Variants in BCAP29 observed in about 807,000 individuals in gnomAD.
BCAP29 encodes B-cell receptor-associated protein 29.
Under a neutral mutation model 31.8 loss-of-function variants are expected in BCAP29, and 34 were observed. The observed-to-expected ratio is 1.07, with a 90% CI of 0.81 to 1.42. The LOEUF (loss-of-function observed/expected upper bound fraction) is 1.42, where lower values mean the gene tolerates loss of function less well. BCAP29 is among the 40% of genes most tolerant of loss of function. BCAP29 has a pLI of 0.00. For missense variants in BCAP29, 314 were observed against 269.2 expected, an observed-to-expected ratio of 1.17 and a Z score of -1.16; for synonymous variants, 104 against 91.3, an observed-to-expected ratio of 1.14 and a Z score of -0.79.
In BCAP29 at chr7:107,600,423, A is replaced by G. The variant is rs936590925; in HGVS notation, c.507A>G (p.Glu169=). 2 of 1,609,406 alleles carry G rather than the reference A, an allele frequency of 1.2e-6. No homozygotes were observed. The highest frequency in any genetic ancestry group is 2.7e-5 in the African/African-American group (2 of 74,910). The change falls in exon 6 of 8, where the codon GAA becomes GAG. Residue 169 remains glutamate (E), a synonymous_variant. Transcript: ENST00000005259. The stretch of plus-strand genomic sequence containing the variant: ...TTTTGAAAAGCCATGGTAAAGATGA[A>G]GAATGTGTTTTGGAAGCAGAAAATA... ...KRILKSHGKD[E]ECVLEAENKK...
At chr7:107,588,607 A>AG (rs1373929623) in intron 3 of BCAP29, among the ~76,000 whole-genome samples, 1 of 152,208 alleles carries the variant, frequency 6.6e-6, no homozygotes, top group Non-Finnish European at 1.5e-5. Flanking sequence ...CCTTAAAAGA[A>AG]GGGAATCATA....
At chr7:107,606,032 A>G (rs1372410621) in intron 6 of BCAP29, among the ~76,000 whole-genome samples, 1 of 152,208 alleles carries the variant, frequency 6.6e-6, no homozygotes, top group Non-Finnish European at 1.5e-5. Flanking sequence ...AAAGAATTTA[A>G]AAATAAAAAT....
In BCAP29 at chr7:107,602,895, A is replaced by C. The variant is rs550105592; in HGVS notation, c.589+2390A>C. 3.3e-5 allele frequency among the ~76,000 whole-genome samples: 5 copies of C among 152,128 alleles called. No homozygotes were observed. The East Asian group carries it at 9.6e-4, about 29-fold the overall frequency. On this transcript the variant is annotated intron_variant, in intron 6 of 7. Transcript: ENST00000005259. ...TAGTGGAAAAACCTTCTGATGTCCA[A>C]AGAGATTGATTTTAAAGGTCTCTTC... is the stretch of plus-strand genomic sequence containing the variant.
intron 2 of BCAP29, among the ~76,000 whole-genome samples, chr7:107,583,367 T>C (rs544383742): frequency 2.0e-5 from 3 of 152,256 alleles, no homozygotes; most frequent in Admixed American, 6.5e-5. Flanking sequence ...TTTCAATTTA[T>C]GTGTATAATA....
intron 6 of BCAP29, among the ~76,000 whole-genome samples, chr7:107,611,562 A>G (rs551292318): frequency 2.0e-5 from 3 of 152,216 alleles, no homozygotes; most frequent in East Asian, 3.8e-4. Context: ...TGAGCTCTGA[A>G]GATACCACCA....
rs989660065 is a variant in BCAP29, at chr7:107,593,876, T to A, written c.194-79T>A. The A allele has an allele frequency of 3.5e-6, 5 of 1,426,212 alleles. No individual in the cohort carries two copies. In the Admixed American group the frequency reaches 6.9e-5, roughly 20 times the overall value. 88.3% of individuals were successfully genotyped at this position (1,426,212 alleles called of 1,614,324 possible). A position where few individuals can be genotyped will look rare whatever the true frequency, so the allele number is the denominator to read the frequency against. On this transcript the variant is annotated intron_variant, in intron 3 of 7. Transcript: ENST00000005259. The stretch of plus-strand genomic sequence containing the variant: ...CCATTATTTAAAAGTTTGGTCAGTT[T>A]TTCTAAAACTGCTTTCCATTTTTAA...
At chr7:107,595,553 C>G (rs1042363512) in intron 4 of BCAP29, among the ~76,000 whole-genome samples, 1 of 152,150 alleles carries the variant, frequency 6.6e-6, no homozygotes, top group Non-Finnish European at 1.5e-5. Context: ...AAATAATTCT[C>G]CTACTGGCCC....
At chr7:107,590,565 C>G (rs1370757812) in intron 3 of BCAP29, among the ~76,000 whole-genome samples, 7 of 152,040 alleles carry the variant, frequency 4.6e-5, no homozygotes, top group African/African-American at 1.7e-4. Context: ...CTCCTGTAAT[C>G]CCACCACTTT....
chr7:107,601,634 A>T (rs1811201558), intron 6 of BCAP29, among the ~76,000 whole-genome samples: 1 of 152,236 alleles, frequency 6.6e-6, no homozygotes, highest in South Asian at 2.1e-4. Context: ...GAACATGATC[A>T]AGAAATGTTA....
intron 7 of BCAP29, chr7:107,615,773 T>A (rs1023588423): frequency 2.3e-5 from 4 of 175,278 alleles, no homozygotes; most frequent in Admixed American, 5.4e-5. Context: ...TTTTGAAATA[T>A]TTAATAGATG....
intron 3 of BCAP29, among the ~76,000 whole-genome samples, chr7:107,584,388 T>G (rs1807248382): frequency 6.6e-6 from 1 of 152,186 alleles, no homozygotes; most frequent in Admixed American, 6.5e-5. Flanking sequence ...GAGTCTTAGA[T>G]GCAGGGTGTG....
At chr7:107,593,928 G>A (rs776084678) in intron 3 of BCAP29, 27 bp from the exon 4 acceptor site, 29 of 1,560,166 alleles carry the variant, frequency 1.9e-5, no homozygotes, top group Non-Finnish European at 1.1e-5. Context: ...AAAGCCAAAA[G>A]TACTGTTTTC....
At chr7:107,599,157 T>TTATATGTA in intron 5 of BCAP29, among the ~76,000 whole-genome samples, 1 of 124,172 alleles carries the variant, frequency 8.1e-6, no homozygotes, top group African/African-American at 3.1e-5. Flanking sequence ...AAATATATAT[T>TTATATGTA]TATAAATATA....
In BCAP29 at chr7:107,599,307, T is replaced by TA. The variant is rs1424676538; in HGVS notation, c.481-1090_481-1089insA. On this transcript the variant is annotated intron_variant, in intron 5 of 7. Coordinates refer to ENST00000005259, the MANE Select transcript of BCAP29 (RefSeq NM_018844.4). ...TTTTTATATATAAATTATATATAAA[T>TA]TTTATATATATATATATAAATATAT... 3.1e-4 allele frequency among the ~76,000 whole-genome samples: 12 copies of TA among 38,292 alleles called. 2 individuals carry two copies. The highest frequency in any genetic ancestry group is 5.3e-4 in the Admixed American group (2 of 3,770). The allele number at this position is 38,292 out of a possible 152,430, so 25.1% of individuals were successfully genotyped here. A position where few individuals can be genotyped will look rare whatever the true frequency, so the allele number is the denominator to read the frequency against.
In BCAP29 at chr7:107,600,500, C is replaced by A; in HGVS notation, c.584C>A (p.Ser195Ter). Residue 195 changes from serine to a stop codon, truncating the protein, a stop_gained, in exon 6 of 8, where the codon TCA becomes TAA. Transcript: ENST00000005259. LOFTEE classifies it high-confidence loss of function. ...CTGAAAACTGAATTAAGGAAGACTT[C>A]AGATGGTAACTTTGTGTACATGTGA... ...EKLKTELRKT[S>*]DALSKAQNDV... 6.4e-7 allele frequency: 1 copy of A among 1,566,786 alleles called. No individual in the cohort carries two copies. Among genetic ancestry groups the A allele is most frequent in the Non-Finnish European group, 8.8e-7 (1 of 1,140,140 alleles).
At chr7:107,613,304 AAAAAT>A (rs1272500259) in intron 6 of BCAP29, 23 bp from the exon 7 acceptor site, 3 of 1,514,210 alleles carry the variant, frequency 2.0e-6, no homozygotes, top group Middle Eastern at 1.7e-4. Flanking sequence ...ATTCTGAAAT[AAAAAT>A]AAAACTATTC....
intron 3 of BCAP29, among the ~76,000 whole-genome samples, chr7:107,593,414 A>AT (rs1240225156): frequency 1.3e-4 from 20 of 152,364 alleles, no homozygotes; most frequent in African/African-American, 3.8e-4. Flanking sequence ...AGCAGCTGCT[A>AT]TGCACTAGTC....
At chr7:107,622,687 G>A (rs1487154753), downstream of BCAP29, 1 of 152,208 alleles carries the variant, frequency 6.6e-6, no homozygotes, top group African/African-American at 2.4e-5. Flanking sequence ...CATCCTGAGG[G>A]GAACATTTAG....
intron 3 of BCAP29, among the ~76,000 whole-genome samples, chr7:107,584,687 A>C (rs2129212246): frequency 6.6e-6 from 1 of 152,324 alleles, no homozygotes; most frequent in Non-Finnish European, 1.5e-5. Flanking sequence ...CAACAGAGCA[A>C]GATCCTTCCT....
Sources: allele counts gnomAD v4.1 joint callset (sites outside exome capture counted in the v4.1 genomes callset), GRCh38; gene constraint gnomAD v4.1.1; transcripts MANE v1.5; gene names NCBI Gene and HGNC (gene_info 2026-07-23, HGNC 2026-07-21).